Variants in TEAD4 observed in about 807,000 individuals in gnomAD.
The protein encoded by TEAD4 is transcriptional enhancer factor TEF-3.
A neutral mutation model predicts 52.4 loss-of-function variants in TEAD4; 36 were observed. The observed-to-expected ratio is 0.69, with a 90% confidence interval of 0.53 to 0.91. TEAD4 has a LOEUF of 0.91. Among genes scored for constraint, TEAD4 ranks in the 40% least tolerant of loss-of-function variants. The pLI is 0.00. For synonymous variants in TEAD4, 220 were observed against 231.0 expected, an observed-to-expected ratio of 0.95 and a Z score of 0.43; for missense variants, 508 against 583.9, an observed-to-expected ratio of 0.87 and a Z score of 1.34.
chr12:2,967,547 T>C (rs2098221446), intron 2 of TEAD4, among the ~76,000 whole-genome samples: 1 of 152,210 alleles, frequency 6.6e-6, no homozygotes, highest in African/African-American at 2.4e-5. Context: ...AAGTGTAACA[T>C]CCTGCATTTA....
chr12:2,978,396 TG>T (rs1382483661), intron 2 of TEAD4, among the ~76,000 whole-genome samples: 1 of 151,642 alleles, frequency 6.6e-6, no homozygotes, highest in African/African-American at 2.4e-5. Flanking sequence ...TTTGTCTTTT[TG>T]TTTTTTTTTG....
At position 3,018,975 on chromosome 12, in the gene TEAD4, G is replaced by A. The variant is rs561373250; in HGVS notation, c.528-140G>A. Reference sequence around the variant, plus strand: ...GAAACCCAGGGGAGTCGGCAGGGGCGGGAGTAGGAGGCCAAGGCCCATCGG... The same window carrying A: ...GAAACCCAGGGGAGTCGGCAGGGGCAGGAGTAGGAGGCCAAGGCCCATCGG... On this transcript the variant is annotated intron_variant, in intron 7 of 12. Transcript: ENST00000359864. The A allele has an allele frequency of 3.9e-6, 4 of 1,014,186 alleles. No individual in the cohort carries two copies. In the Admixed American group the frequency reaches 5.9e-5, roughly 15 times the overall value. The allele number at this position is 1,014,186 out of a possible 1,614,324, so 62.8% of individuals were successfully genotyped here.
Position 3,040,453 on chromosome 12 carries a change from A to G in TEAD4, c.1280A>G (p.His427Arg). ...GCCAGTGAGCACGGGGCTCAGCACC[A>G]CATCTACAGGCTGGTGAAAGAATGA... Residue 427 changes from histidine to arginine, a missense_variant, in exon 13 of 13, where the codon CAC becomes CGC. Transcript: ENST00000359864. 3 of 1,614,146 alleles carry G rather than the reference A, an allele frequency of 1.9e-6. No homozygotes were observed. Among genetic ancestry groups the G allele is most frequent in the Non-Finnish European group, 2.5e-6 (3 of 1,180,032 alleles).
chr12:2,963,911 C>T (rs1254642370), intron 2 of TEAD4, among the ~76,000 whole-genome samples: 1 of 152,230 alleles, frequency 6.6e-6, no homozygotes, highest in Non-Finnish European at 1.5e-5. Flanking sequence ...TGGGTGGGGA[C>T]TCTGCTTCCT....
At chr12:2,961,551 G>C (rs2098215330) in intron 2 of TEAD4, among the ~76,000 whole-genome samples, 5 of 152,070 alleles carry the variant, frequency 3.3e-5, no homozygotes. Context: ...CACAGGTTTG[G>C]GGTCAGGCAG....
chr12:3,015,353 A>G (rs1591587286), intron 5 of TEAD4, among the ~76,000 whole-genome samples: 2 of 152,108 alleles, frequency 1.3e-5, no homozygotes, highest in African/African-American at 4.8e-5. Context: ...CTTCATCTTA[A>G]TGATCCTACA....
intron 10 of TEAD4, among the ~76,000 whole-genome samples, chr12:3,031,247 G>A (rs1409283303): frequency 6.6e-6 from 1 of 152,142 alleles, no homozygotes; most frequent in Admixed American, 6.5e-5. Flanking sequence ...ACCGCCCCCG[G>A]CCTGTCCAGG....
At chr12:2,990,935 C>A (rs2098242491) in intron 2 of TEAD4, among the ~76,000 whole-genome samples, 1 of 152,174 alleles carries the variant, frequency 6.6e-6, no homozygotes, top group Non-Finnish European at 1.5e-5. Flanking sequence ...CATGGTGGCT[C>A]ACTCCATGGG....
intron 10 of TEAD4, among the ~76,000 whole-genome samples, chr12:3,031,275 G>A (rs1039615242): frequency 2.0e-5 from 3 of 152,160 alleles, no homozygotes; most frequent in Admixed American, 1.3e-4. Context: ...CTGACTCAGC[G>A]GAAGGAGCTT....
chr12:3,019,399 C>T (rs2098267030), intron 8 of TEAD4, among the ~76,000 whole-genome samples: 1 of 152,228 alleles, frequency 6.6e-6, no homozygotes. Context: ...TGCTCCTGTC[C>T]CCTCAAAGCT....
intron 5 of TEAD4, among the ~76,000 whole-genome samples, chr12:3,016,604 GAAA>G (rs375115024): frequency 7.7e-6 from 1 of 129,552 alleles, no homozygotes; most frequent in African/African-American, 2.8e-5. Flanking sequence ...CCTGTCTCTG[GAAA>G]AAAAAAAAAA....
intron 3 of TEAD4, 29 bp from the exon 4 acceptor site, chr12:3,010,975 C>G (rs1221621801): frequency 6.2e-7 from 1 of 1,613,784 alleles, no homozygotes; most frequent in Non-Finnish European, 8.5e-7. Context: ...GTCCTTCTCT[C>G]CACTGAGAGG....
rs1440072332 is a variant in TEAD4 at position 3,018,582 on chromosome 12, C to T, written c.521C>T (p.Ser174Phe). The change falls in exon 7 of 13, where the codon TCC becomes TTC. Residue 174 changes from serine to phenylalanine, a missense_variant. By Grantham distance (155) the Ser-to-Phe change is radical (BLOSUM62 -2). Coordinates refer to ENST00000359864, the MANE Select transcript of TEAD4 (RefSeq NM_003213.4). Reference sequence around the variant, plus strand: ...GCTTTGCCAGGCCAAGCCGGAACGTCCCATGAGTGAGTATGGCCTCTGGTT... The same window carrying T: ...GCTTTGCCAGGCCAAGCCGGAACGTTCCATGAGTGAGTATGGCCTCTGGTT... 6 of 1,613,986 alleles carry T rather than the reference C, an allele frequency of 3.7e-6. No individual in the cohort carries two copies. The highest frequency in any genetic ancestry group is 2.7e-5 in the African/African-American group (2 of 74,916).
rs182012152 is a variant in TEAD4, at chr12:3,010,583, C to T, written c.227-421C>T. Among the ~76,000 whole-genome samples, 229 of 152,336 alleles carry T rather than the reference C, an allele frequency of 1.5e-3. 3 individuals are homozygous for T. The highest frequency in any genetic ancestry group is 0.012 in the Admixed American group (181 of 15,310). On this transcript the variant is annotated intron_variant, in intron 3 of 12. Coordinates refer to ENST00000359864, the MANE Select transcript of TEAD4 (RefSeq NM_003213.4). ...TACTCGTTTACAGAGGCGGAGGGCA[C>T]GGTGGCAGTCACACAGGGCAAGGCC...
At chr12:3,014,695 T>G (rs924960470) in intron 5 of TEAD4, among the ~76,000 whole-genome samples, 1 of 152,162 alleles carries the variant, frequency 6.6e-6, no homozygotes, top group Non-Finnish European at 1.5e-5. Context: ...CAAGTTCCCC[T>G]CCCGGCCCCG....
rs560522260 is a variant in TEAD4, at chr12:2,985,501, C to CTTTTTTT, written c.-29-9221_-29-9215dup. On this transcript the variant is annotated intron_variant, in intron 2 of 12. Transcript: ENST00000359864. ...ATAAGCCTTCTTCTGTTTACAAAATCTTTTTTTTTTTTTTTTTTTTTTGAG... is the reference window on the plus strand; with the variant it reads ...ATAAGCCTTCTTCTGTTTACAAAATCTTTTTTTTTTTTTTTTTTTTTTTTTTTTTGAG... 6.0e-5 allele frequency among the ~76,000 whole-genome samples: 5 copies of CTTTTTTT among 83,020 alleles called. 1 individual carries two copies. The highest frequency in any genetic ancestry group is 1.9e-4 in the African/African-American group (4 of 21,526). 54.5% of individuals were successfully genotyped at this position (83,020 alleles called of 152,430 possible).
chr12:2,987,523 C>T (rs889703111), intron 2 of TEAD4, among the ~76,000 whole-genome samples: 3 of 152,040 alleles, frequency 2.0e-5, no homozygotes, highest in African/African-American at 4.8e-5. Flanking sequence ...CAAGCTCCGC[C>T]TCCCGGGTTC....
Position 3,025,370 on chromosome 12 carries a change from T to G in TEAD4, c.897+3353T>G, listed in dbSNP as rs139755085. ...CCCTTCATTTTGTGGGAACACATCCTCTAGTACCTTCTAAGAAAAGATGCA... is the reference window on the plus strand; with the variant it reads ...CCCTTCATTTTGTGGGAACACATCCGCTAGTACCTTCTAAGAAAAGATGCA... On this transcript the variant is annotated intron_variant, in intron 10 of 12. Coordinates refer to ENST00000359864, the MANE Select transcript of TEAD4 (RefSeq NM_003213.4). Among the ~76,000 whole-genome samples, 273 of 152,376 alleles carry G rather than the reference T, an allele frequency of 1.8e-3. 1 individual carries two copies. The highest frequency in any genetic ancestry group is 1.7e-3 in the Non-Finnish European group (115 of 68,038).
At chr12:3,030,842 G>A (rs748175190) in intron 10 of TEAD4, among the ~76,000 whole-genome samples, 4 of 152,148 alleles carry the variant, frequency 2.6e-5, no homozygotes, top group Non-Finnish European at 4.4e-5. Flanking sequence ...GGCCACGTGC[G>A]TAGCCAGGGA....
Sources: gnomAD v4.1 joint callset for allele counts (sites outside exome capture counted in the v4.1 genomes callset) on GRCh38, gnomAD v4.1.1 for gene constraint, MANE v1.5 for transcripts, NCBI Gene and HGNC (gene_info 2026-07-23, HGNC 2026-07-21) for gene names.